DISC1: variants seen among roughly 807,000 people sequenced by gnomAD.
DISC1 encodes the protein disrupted in schizophrenia 1 protein.
Under a neutral mutation model 84.5 loss-of-function variants are expected in DISC1, and 57 were observed. The observed-to-expected ratio is 0.67, with a 90% confidence interval of 0.55 to 0.84. DISC1 has a LOEUF of 0.84. Ranked by LOEUF, DISC1 falls within the 40% of genes least tolerant of loss-of-function variation. The pLI is 0.00. For synonymous variants in DISC1, 411 were observed against 415.2 expected (o/e 0.99, Z 0.12); for missense variants, 1,000 against 1,057.8 (o/e 0.95, Z 0.76).
chr1:231,771,185 C>T, intron 6 of DISC1, 115 bp downstream of exon 6: 1 of 1,458,690 alleles, frequency 6.9e-7, no homozygotes. Flanking sequence ...CTGTATTTTT[C>T]AGTGGAAGCA....
At chr1:231,891,323 C>G (rs1200377419) in intron 9 of DISC1, among the ~76,000 whole-genome samples, 1 of 152,180 alleles carries the variant, frequency 6.6e-6, no homozygotes, top group African/African-American at 2.4e-5. Context: ...CTGGGTTGGA[C>G]AAGCTTGGTC....
chr1:231,776,887 T>A (rs1042674799), intron 6 of DISC1, among the ~76,000 whole-genome samples: 4 of 152,114 alleles, frequency 2.6e-5, no homozygotes, highest in Non-Finnish European at 5.9e-5. Context: ...GAGGGTTGCG[T>A]GGAAGCAGCT....
intron 7 of DISC1, among the ~76,000 whole-genome samples, chr1:231,797,150 C>T (rs1030272054): frequency 6.6e-6 from 1 of 152,144 alleles, no homozygotes; most frequent in Non-Finnish European, 1.5e-5. Flanking sequence ...TGCATCTGTA[C>T]ACCAACGTTG....
chr1:231,886,758 CCTTCCTTCCTTTCTTTCTTT>C (rs1385101671), intron 9 of DISC1, among the ~76,000 whole-genome samples: 1 of 95,758 alleles, frequency 1.0e-5, no homozygotes, highest in African/African-American at 3.9e-5. Context: ...TTCCTTTCTT[CCTTCCTTCCTTTCTTTCTTT>C]CTTTCTTTCT....
Position 231,649,082 on chromosome 1 carries a change from T to C in DISC1, c.67+22148T>C, listed in dbSNP as rs577354996. Among the ~76,000 whole-genome samples the C allele has an allele frequency of 1.1e-3, 172 of 152,348 alleles. 3 individuals carry two copies. Among genetic ancestry groups the C allele is most frequent in the African/African-American group, 3.9e-3 (164 of 41,590 alleles). ...TCAGTTCTGCTCTGATCTTAGTTAT[T>C]TCTTGCCTTCTACTAGCTTTTGAAT... On this transcript the variant is annotated intron_variant, in intron 1 of 12. Transcript: ENST00000439617.
In DISC1 at chr1:231,916,654, C is replaced by CAA. The variant is rs3083755; in HGVS notation, c.1982-42156_1982-42155dup. Among the ~76,000 whole-genome samples the CAA allele has an allele frequency of 1.6e-3, 164 of 101,902 alleles. 3 individuals are homozygous for CAA. Among genetic ancestry groups the CAA allele is most frequent in the African/African-American group, 2.6e-3 (76 of 29,034 alleles). The allele number at this position is 101,902 out of a possible 152,430, so 66.9% of individuals were successfully genotyped here. A position where few individuals can be genotyped will look rare whatever the true frequency, so the allele number is the denominator to read the frequency against. On this transcript the variant is annotated intron_variant, in intron 9 of 12. Coordinates refer to ENST00000439617, the MANE Select transcript of DISC1 (RefSeq NM_018662.3). The stretch of plus-strand genomic sequence containing the variant: ...TGGGCGACAGAGCGAGACTCCGTCT[C>CAA]AAAAAAAAAAAAAAAAAAAGAAAGT...
At chr1:231,672,874 A>G (rs551407966) in intron 1 of DISC1, among the ~76,000 whole-genome samples, 2 of 152,158 alleles carry the variant, frequency 1.3e-5, no homozygotes, top group East Asian at 3.9e-4. Flanking sequence ...GGTTTGGGAG[A>G]GGTGAGAAGA....
intron 9 of DISC1, among the ~76,000 whole-genome samples, chr1:231,844,596 G>A (rs2146376): frequency 0.17 from 26,019 of 152,044 alleles, 2,359 homozygotes; most frequent in Middle Eastern, 0.3. Context: ...CAAGTTGGGC[G>A]GGCAGGGAGG....
chr1:231,627,178 C>G (rs1471234320), intron 1 of DISC1, among the ~76,000 whole-genome samples: 1 of 152,174 alleles, frequency 6.6e-6, no homozygotes, highest in East Asian at 1.9e-4. Flanking sequence ...GCAGCGATCC[C>G]CGGGACCCGC....
At chr1:231,849,567 T>C (rs2083729534) in intron 9 of DISC1, among the ~76,000 whole-genome samples, 1 of 152,118 alleles carries the variant, frequency 6.6e-6, no homozygotes, top group African/African-American at 2.4e-5. Flanking sequence ...TGTTTGTGTT[T>C]TCATGTGTAT....
At position 231,973,690 on chromosome 1, in the gene DISC1, A is replaced by G. The variant is rs1004786870; in HGVS notation, c.2042+14802A>G. Among the ~76,000 whole-genome samples the G allele has an allele frequency of 2.0e-5, 3 of 152,240 alleles. No homozygotes were observed. The South Asian group carries it at 6.2e-4, about 32-fold the overall frequency. On this transcript the variant is annotated intron_variant, in intron 10 of 12. Transcript: ENST00000439617. ...GATCACATGCATTTTTCCTAGGCCT[A>G]TAATAGGTTTCCCTCCGCATGCCCA...
intron 9 of DISC1, among the ~76,000 whole-genome samples, chr1:231,927,352 G>T (rs572537977): frequency 6.6e-6 from 1 of 152,196 alleles, no homozygotes; most frequent in East Asian, 1.9e-4. Context: ...GTTATTTGTA[G>T]ATTTCTGCAT....
intron 9 of DISC1, among the ~76,000 whole-genome samples, chr1:231,907,123 C>CTCT (rs1429068836): frequency 0.037 from 660 of 17,816 alleles, 11 homozygotes; most frequent in African/African-American, 0.11. Flanking sequence ...TCCTTCCTTC[C>CTCT]TTCCTTCCTC....
intron 9 of DISC1, among the ~76,000 whole-genome samples, chr1:231,875,203 G>C (rs1418165717): frequency 6.6e-6 from 1 of 152,222 alleles, no homozygotes; most frequent in Admixed American, 6.5e-5. Context: ...TGGAGTAGAT[G>C]ATCCAGGATG....
chr1:231,990,936 G>A (rs1362305674), intron 10 of DISC1, among the ~76,000 whole-genome samples: 2 of 152,214 alleles, frequency 1.3e-5, no homozygotes, highest in Non-Finnish European at 2.9e-5. Flanking sequence ...ACGAGGGAGA[G>A]CATCCCTAAG....
chr1:231,753,297 C>G (rs1245593231), intron 4 of DISC1, among the ~76,000 whole-genome samples: 1 of 152,244 alleles, frequency 6.6e-6, no homozygotes, highest in Non-Finnish European at 1.5e-5. Context: ...GAAACCTAGG[C>G]AGAGGCTCCC....
rs1452989513 is a variant in DISC1 at position 231,695,707 on chromosome 1, CAT to C, written c.1047+903_1047+904del. Among the ~76,000 whole-genome samples the C allele has an allele frequency of 9.9e-5, 15 of 152,022 alleles. No individual in the cohort carries two copies. The South Asian group carries it at 1.3e-3, about 13-fold the overall frequency. On this transcript the variant is annotated intron_variant, in intron 2 of 12. Coordinates refer to ENST00000439617, the MANE Select transcript of DISC1 (RefSeq NM_018662.3). ...GCGAGTGTATTTGTGTGTGTGCACT[CAT>C]GTGTTTCTGCGTGTGGTGTGTGGAT...
intron 9 of DISC1, among the ~76,000 whole-genome samples, chr1:231,885,161 A>G (rs1421068380): frequency 6.6e-6 from 1 of 152,238 alleles, no homozygotes; most frequent in Non-Finnish European, 1.5e-5. Context: ...GTTAAAATAA[A>G]AATGCTGCCT....
chr1:231,710,460 T>A (rs559759053), intron 3 of DISC1, among the ~76,000 whole-genome samples: 1 of 152,326 alleles, frequency 6.6e-6, no homozygotes, highest in African/African-American at 2.4e-5. Flanking sequence ...CAATTTTAGG[T>A]CCAAACTATG....
Sources: gnomAD v4.1 joint callset for allele counts (sites outside exome capture counted in the v4.1 genomes callset) on GRCh38, gnomAD v4.1.1 for gene constraint, MANE v1.5 for transcripts, NCBI Gene and HGNC (gene_info 2026-07-23, HGNC 2026-07-21) for gene names.